PXDN: variants seen among roughly 807,000 people sequenced by gnomAD.
The protein encoded by PXDN is peroxidasin homolog.
PXDN carries 77 observed loss-of-function variants against 140.3 expected under a neutral mutation model. The ratio of observed to expected loss-of-function variants is 0.55; its 90% CI spans 0.46 to 0.66. The LOEUF (loss-of-function observed/expected upper bound fraction) is 0.66, where lower values mean the gene tolerates loss of function less well. PXDN is among the 30% of genes least tolerant of loss of function. PXDN has a pLI of 0.00. For missense variants in PXDN, 1,838 were observed against 2,039.5 expected (o/e 0.90, Z 1.90); for synonymous variants, 911 against 857.4 (o/e 1.06, Z -1.09).
intron 1 of PXDN, among the ~76,000 whole-genome samples, chr2:1,695,229 T>C (rs1183935726): frequency 1.3e-5 from 2 of 152,224 alleles, no homozygotes; most frequent in Non-Finnish European, 2.9e-5. Flanking sequence ...CATGCAGGCC[T>C]TTCCCCAGAT....
chr2:1,660,819 A>G lies in PXDN; in HGVS notation c.1837+62T>C. The G allele has an allele frequency of 6.4e-7, 1 of 1,555,346 alleles. No homozygotes were observed. The highest frequency in any genetic ancestry group is 8.7e-7 in the Non-Finnish European group (1 of 1,147,462). The stretch of plus-strand genomic sequence containing the variant: ...AAGTCAACTGGCCTGGGACCACACT[A>G]GGGACCTGCGGGCTTTCTTTGTGGA... On this transcript the variant is annotated intron_variant, in intron 14 of 22. Coordinates refer to ENST00000252804, the MANE Select transcript of PXDN (RefSeq NM_012293.3). The surrounding 1 kb of genome is among the most constrained non-coding windows in gnomAD (Gnocchi z 4.6).
Position 1,663,950 on chromosome 2 carries a change from C to A in PXDN, c.1409-187G>T, listed in dbSNP as rs1683370139. 1.4e-5 allele frequency: 9 copies of A among 636,098 alleles called. 1 individual carries two copies. The allele number at this position is 636,098 out of a possible 1,614,324, so 39.4% of individuals were successfully genotyped here. Reference sequence around the variant, plus strand: ...CCATGGTGACACCTGAACGTCCCTGCACCCGTAACTCAGACAGAGGGGTTG... The same window carrying A: ...CCATGGTGACACCTGAACGTCCCTGAACCCGTAACTCAGACAGAGGGGTTG... On this transcript the variant is annotated intron_variant, in intron 11 of 22. Coordinates refer to ENST00000252804, the MANE Select transcript of PXDN (RefSeq NM_012293.3).
At chr2:1,680,107 TTG>T (rs1237372182) in intron 7 of PXDN, 84 bp downstream of exon 7, 215 of 1,085,258 alleles carry the variant, frequency 2.0e-4, no homozygotes, top group Middle Eastern at 3.1e-4. Flanking sequence ...TGTGTGGATG[TTG>T]TGTGTGTAGA....
At chr2:1,653,585 T>C in intron 16 of PXDN, 43 bp downstream of exon 16, 1 of 1,604,962 alleles carries the variant, frequency 6.2e-7, no homozygotes, top group Non-Finnish European at 8.5e-7. Context: ...TTCAACCCCG[T>C]TACTCAGGCC....
At position 1,639,007 on chromosome 2, in the gene PXDN, A is replaced by C; in HGVS notation, c.4074-29T>G. ...TGGTGAGGGGAAAGGAGGAGGAGGGAAATATAACCTTGGCAGGTCACGCCG... is the reference window on the plus strand; with the variant it reads ...TGGTGAGGGGAAAGGAGGAGGAGGGCAATATAACCTTGGCAGGTCACGCCG... On this transcript the variant is annotated intron_variant, in intron 20 of 22. Transcript: ENST00000252804. The surrounding 1 kb of genome is among the most constrained non-coding windows in gnomAD (Gnocchi z 5.0). 1 of 1,611,520 alleles carries C rather than the reference A, an allele frequency of 6.2e-7. No individual in the cohort carries two copies. Among genetic ancestry groups the C allele is most frequent in the South Asian group, 1.1e-5 (1 of 90,978 alleles).
chr2:1,718,638 A>G (rs890245300), intron 1 of PXDN, among the ~76,000 whole-genome samples: 1 of 152,074 alleles, frequency 6.6e-6, no homozygotes, highest in Non-Finnish European at 1.5e-5. Flanking sequence ...CTAACCTACC[A>G]CCCAAACCTG....
chr2:1,663,425 A>G (rs1269982424), intron 12 of PXDN, among the ~76,000 whole-genome samples, 180 bp downstream of exon 12: 2 of 152,210 alleles, frequency 1.3e-5, no homozygotes, highest in Non-Finnish European at 2.9e-5. Context: ...AGGGACAGAG[A>G]TTGAATGAGC....
intron 6 of PXDN, among the ~76,000 whole-genome samples, chr2:1,682,711 G>C (rs139370271): frequency 0.012 from 1,888 of 152,318 alleles, 36 homozygotes; most frequent in African/African-American, 0.043. Context: ...AGCCCAAGAA[G>C]GGCGGATCAC....
intron 1 of PXDN, among the ~76,000 whole-genome samples, chr2:1,705,086 C>T (rs978102210): frequency 1.4e-5 from 2 of 146,946 alleles, no homozygotes; most frequent in Non-Finnish European, 1.5e-5. Flanking sequence ...CCTGATGTCG[C>T]CCGGCACTGC....
At chr2:1,709,003 T>C (rs1684687171) in intron 1 of PXDN, among the ~76,000 whole-genome samples, 1 of 152,206 alleles carries the variant, frequency 6.6e-6, no homozygotes, top group Non-Finnish European at 1.5e-5. Flanking sequence ...GTGACAGGCA[T>C]GATCTGCTGA....
intron 3 of PXDN, among the ~76,000 whole-genome samples, chr2:1,688,302 G>A (rs1418630539): frequency 6.6e-6 from 1 of 152,206 alleles, no homozygotes; most frequent in Non-Finnish European, 1.5e-5. Context: ...TGGAATGCCA[G>A]CGTCCATAAA....
In PXDN at chr2:1,692,072, G is replaced by A. The variant is rs1357240151; in HGVS notation, c.273-73C>T. 7 of 1,110,366 alleles carry A rather than the reference G, an allele frequency of 6.3e-6. No homozygotes were observed. The African/African-American group carries it at 6.4e-5, about 10-fold the overall frequency. 68.8% of individuals were successfully genotyped at this position (1,110,366 alleles called of 1,614,324 possible). A position where few individuals can be genotyped will look rare whatever the true frequency, so the allele number is the denominator to read the frequency against. ...CTTCGAAGTTGTGTTAAAACATTCCGACAGCCTTGGAAAAGGTCACATTGA... is the reference window on the plus strand; with the variant it reads ...CTTCGAAGTTGTGTTAAAACATTCCAACAGCCTTGGAAAAGGTCACATTGA... On this transcript the variant is annotated intron_variant, in intron 2 of 22. Transcript: ENST00000252804.
intron 9 of PXDN, among the ~76,000 whole-genome samples, chr2:1,669,154 CA>C (rs1237181014): frequency 1.3e-5 from 2 of 152,140 alleles, no homozygotes; most frequent in Admixed American, 1.3e-4. Context: ...TTTGCAGGAA[CA>C]TGGAAAAAGC....
At chr2:1,638,601 G>A (rs1047327308) in intron 21 of PXDN, among the ~76,000 whole-genome samples, 5 of 152,124 alleles carry the variant, frequency 3.3e-5, no homozygotes, top group Non-Finnish European at 5.9e-5. Context: ...GCAGTCACAC[G>A]GCCGTGACAC....
chr2:1,637,266 G>A (rs1348464461), intron 21 of PXDN, among the ~76,000 whole-genome samples: 1 of 152,192 alleles, frequency 6.6e-6, no homozygotes, highest in African/African-American at 2.4e-5. Context: ...CCAAGGGTCA[G>A]CCTGGGTTTG....
intron 1 of PXDN, among the ~76,000 whole-genome samples, chr2:1,709,862 G>T (rs1247654953): frequency 1.3e-5 from 2 of 152,188 alleles, no homozygotes; most frequent in Non-Finnish European, 2.9e-5. Flanking sequence ...ACCTGCAAGA[G>T]GCCCTCACCA....
chr2:1,680,127 T>G, intron 7 of PXDN, 66 bp downstream of exon 7: 2 of 1,464,556 alleles, frequency 1.4e-6, no homozygotes, highest in Non-Finnish European at 1.8e-6. Context: ...AGATGGTGTG[T>G]GTGTGGATGG....
In PXDN at chr2:1,660,774, T is replaced by C; in HGVS notation, c.1837+107A>G. On this transcript the variant is annotated intron_variant, in intron 14 of 22. Coordinates refer to ENST00000252804, the MANE Select transcript of PXDN (RefSeq NM_012293.3). The surrounding 1 kb of genome is among the most constrained non-coding windows in gnomAD (Gnocchi z 4.6). ...TGGGAATCAAGGGTGCTTTGTCTTCTGAATAATTCTGAACAGCCTAAGTCA... is the reference window on the plus strand; with the variant it reads ...TGGGAATCAAGGGTGCTTTGTCTTCCGAATAATTCTGAACAGCCTAAGTCA... 1.4e-6 allele frequency: 2 copies of C among 1,386,270 alleles called. No individual in the cohort carries two copies. The highest frequency in any genetic ancestry group is 1.9e-6 in the Non-Finnish European group (2 of 1,036,226). The allele number at this position is 1,386,270 out of a possible 1,614,324, so 85.9% of individuals were successfully genotyped here. A position where few individuals can be genotyped will look rare whatever the true frequency, so the allele number is the denominator to read the frequency against.
At chr2:1,642,988 T>A (rs562928786) in intron 19 of PXDN, among the ~76,000 whole-genome samples, 1 of 152,250 alleles carries the variant, frequency 6.6e-6, no homozygotes, top group African/African-American at 2.4e-5. Flanking sequence ...AAACCTGATA[T>A]ATTTGATATG....
Sources: gnomAD v4.1 joint callset for allele counts (sites outside exome capture counted in the v4.1 genomes callset) on GRCh38, gnomAD v4.1.1 for gene constraint, Gnocchi (gnomAD v3.1) non-coding constraint, MANE v1.5 for transcripts, NCBI Gene and HGNC (gene_info 2026-07-23, HGNC 2026-07-21) for gene names.